The following EPAS1 variants were observed in gnomAD, a reference collection of about 807,000 sequenced individuals.
EPAS1 encodes endothelial PAS domain protein 1, also known as endothelial PAS domain-containing protein 1.
Under a neutral mutation model 87.9 loss-of-function variants are expected in EPAS1, and 23 were observed. That is an observed-to-expected ratio of 0.26 (90% confidence interval 0.19 to 0.37). EPAS1 has a LOEUF of 0.37. Ranked by LOEUF, EPAS1 falls within the 10% of genes least tolerant of loss-of-function variation. The pLI is 1.00. For synonymous variants in EPAS1, 508 were observed against 444.3 expected, an observed-to-expected ratio of 1.14 and a Z score of -1.80; for missense variants, 1,138 against 1,120.7, an observed-to-expected ratio of 1.02 and a Z score of -0.22.
rs1276782502 is a variant in EPAS1, at chr2:46,378,616, G to A, written c.1444-41G>A. On this transcript the variant is annotated intron_variant, in intron 10 of 15. Transcript: ENST00000263734. ...ATGCTGGACTTCTGGGGAGACCAGT[G>A]CCATATCTTTGACTCTGTCCCCCTC... 1.9e-6 allele frequency: 3 copies of A among 1,554,564 alleles called. 1 individual carries two copies. The South Asian group carries it at 3.3e-5, about 17-fold the overall frequency.
intron 1 of EPAS1, among the ~76,000 whole-genome samples, chr2:46,303,039 C>T (rs1159679786): frequency 6.6e-6 from 1 of 152,168 alleles, no homozygotes; most frequent in Non-Finnish European, 1.5e-5. Context: ...TGCCACTGCA[C>T]TCCAGCGTGG....
At chr2:46,359,274 A>AAAAAAAAAAAAAG in intron 4 of EPAS1, among the ~76,000 whole-genome samples, 1 of 148,664 alleles carries the variant, frequency 6.7e-6, no homozygotes, top group Non-Finnish European at 1.5e-5. Context: ...AAAAAAAAAA[A>AAAAAAAAAAAAAG]AAAAAAAGAT....
intron 1 of EPAS1, among the ~76,000 whole-genome samples, chr2:46,302,998 G>A (rs1187477292): frequency 2.6e-5 from 4 of 152,108 alleles, no homozygotes; most frequent in South Asian, 2.1e-4. Context: ...GCTTGAACCC[G>A]GGAGGCGGAG....
At chr2:46,349,764 ATTG>A (rs1201969023) in intron 2 of EPAS1, among the ~76,000 whole-genome samples, 1 of 152,162 alleles carries the variant, frequency 6.6e-6, no homozygotes, top group East Asian at 1.9e-4. Flanking sequence ...CGCTAGACTG[ATTG>A]TTAAGTTATT....
rs1682980315 is a variant in EPAS1, at chr2:46,300,775, A to AC, written c.26+2840dup. Among the ~76,000 whole-genome samples the AC allele has an allele frequency of 6.6e-6, 1 of 152,160 alleles. No individual in the cohort carries two copies. The highest frequency in any genetic ancestry group is 1.5e-5 in the Non-Finnish European group (1 of 68,034). On this transcript the variant is annotated intron_variant, in intron 1 of 15. Transcript: ENST00000263734. The surrounding 1 kb of genome is among the most constrained non-coding windows in gnomAD (Gnocchi z 4.1). ...CCCAAAGCCAGACCTAGGTCCAGAC[A>AC]CCTTCCCAGAGTGCTTATACAGTAG...
At chr2:46,303,213 C>G (rs920874445) in intron 1 of EPAS1, among the ~76,000 whole-genome samples, 1 of 152,154 alleles carries the variant, frequency 6.6e-6, no homozygotes, top group African/African-American at 2.4e-5. Flanking sequence ...CACACATAAG[C>G]ACACACAATT....
intron 1 of EPAS1, among the ~76,000 whole-genome samples, chr2:46,342,885 G>A (rs1261754669): frequency 6.6e-6 from 1 of 152,190 alleles, no homozygotes; most frequent in African/African-American, 2.4e-5. Context: ...GCTGCCTGGT[G>A]CTTAAGTGGT....
intron 2 of EPAS1, among the ~76,000 whole-genome samples, chr2:46,355,202 GAAGA>G (rs1196048733): frequency 6.6e-6 from 1 of 152,210 alleles, no homozygotes; most frequent in African/African-American, 2.4e-5. Flanking sequence ...GGAGCAGAAA[GAAGA>G]AAGAATTTAC....
In EPAS1 at chr2:46,349,118, C is replaced by T. The variant is rs996910252; in HGVS notation, c.217+2055C>T. Among the ~76,000 whole-genome samples, 28 of 151,960 alleles carry T rather than the reference C, an allele frequency of 1.8e-4. 1 individual carries two copies. The highest frequency in any genetic ancestry group is 3.9e-4 in the Admixed American group (6 of 15,278). On this transcript the variant is annotated intron_variant, in intron 2 of 15. Transcript: ENST00000263734. ...AAACCTGGTCAGGCAAAGATGCTGA[C>T]AAGGGCTGGGGTATGGGGTGTGGGG...
At chr2:46,352,847 C>T (rs896281159) in intron 2 of EPAS1, among the ~76,000 whole-genome samples, 1 of 152,200 alleles carries the variant, frequency 6.6e-6, no homozygotes, top group African/African-American at 2.4e-5. Flanking sequence ...CTAGATTGCC[C>T]CTCTCCCTCC....
rs1003174096 is a variant in EPAS1, at chr2:46,380,662, G to A, written c.1990G>A (p.Ala664Thr). The part of the protein sequence containing the change: ...VGDQRTEFLG[A>T]APLGPPVSPP... Reference sequence around the variant, plus strand: ...GGATCAGCGCACAGAGTTCTTGGGAGCAGCGCCGTTGGGGCCCCCTGTCTC... The same window carrying A: ...GGATCAGCGCACAGAGTTCTTGGGAACAGCGCCGTTGGGGCCCCCTGTCTC... The change falls in exon 12 of 16, where the codon GCA becomes ACA. Residue 664 changes from alanine to threonine, a missense_variant. Coordinates refer to ENST00000263734, the MANE Select transcript of EPAS1 (RefSeq NM_001430.5). The surrounding 1 kb of genome is among the most constrained non-coding windows in gnomAD (Gnocchi z 4.4). 18 of 1,613,956 alleles carry A rather than the reference G, an allele frequency of 1.1e-5. No individual in the cohort carries two copies. The African/African-American group carries it at 2.0e-4, about 18-fold the overall frequency.
At chr2:46,350,616 C>T (rs958467358) in intron 2 of EPAS1, among the ~76,000 whole-genome samples, 1 of 152,210 alleles carries the variant, frequency 6.6e-6, no homozygotes, top group Non-Finnish European at 1.5e-5. Context: ...CTTGATTGTC[C>T]TAAATCCTCT....
intron 1 of EPAS1, among the ~76,000 whole-genome samples, chr2:46,315,235 T>C (rs376394733): frequency 5.9e-5 from 9 of 152,152 alleles, no homozygotes; most frequent in Admixed American, 1.3e-4. Flanking sequence ...AGGAACTGTG[T>C]CCCTCACTCT....
In EPAS1 at chr2:46,376,752, CGGTG is replaced by C. The variant is rs1251213312; in HGVS notation, c.1249+4_1249+7del. 1.2e-6 allele frequency: 2 copies of C among 1,611,998 alleles called. No individual in the cohort carries two copies. Among genetic ancestry groups the C allele is most frequent in the African/African-American group, 2.7e-5 (2 of 74,846 alleles). On this transcript the variant is annotated splice_donor_variant and splice_donor_region_variant and coding_sequence_variant and intron_variant, in exon 9 of 16. Transcript: ENST00000263734. LOFTEE classifies it high-confidence loss of function. ...GAGACGCCATCATCTCTCTGGATTT[CGGTG>C]GGTGCTTCTTAGCTAAGCCAGGCCC...
At chr2:46,381,211 G>A (rs1448186281) in intron 12 of EPAS1, 2 of 370,156 alleles carry the variant, frequency 5.4e-6, no homozygotes, top group South Asian at 2.3e-5. Context: ...ACTGGGCTAA[G>A]GCACAGGGGT....
rs779807757 is a variant in EPAS1 at position 46,382,499 on chromosome 2, G to C, written c.2362G>C (p.Ala788Pro). 6.2e-7 allele frequency: 1 copy of C among 1,614,150 alleles called. No individual in the cohort carries two copies. The highest frequency in any genetic ancestry group is 1.1e-5 in the South Asian group (1 of 91,082). The change falls in exon 15 of 16, where the codon GCC becomes CCC. Residue 788 changes from alanine to proline, a missense_variant. By Grantham distance (27) the Ala-to-Pro change is conservative. This residue lies in a region of EPAS1 where 502 missense variants were observed against 427.1 expected (regional missense o/e 1.18). Coordinates refer to ENST00000263734, the MANE Select transcript of EPAS1 (RefSeq NM_001430.5). ...RHLPLPQPPS[A>P]ISPGENSKSR... is the part of the protein sequence containing the mutation. Reference sequence around the variant, plus strand: ...TCTGCCGCTGCCACAGCCTCCATCTGCCATCAGTCCCGGGGAGAACAGCAA... The same window carrying C: ...TCTGCCGCTGCCACAGCCTCCATCTCCCATCAGTCCCGGGGAGAACAGCAA...
Position 46,360,970 on chromosome 2 carries a change from C to G in EPAS1, c.659C>G (p.Ser220Cys), listed in dbSNP as rs767633468. ...SLCGYKEPLL[S>C]CLIIMCEPIQ... ...TGTGGCTACAAGGAGCCCCTGCTGTCCTGCCTCATCATCATGTGTGAACCA... is the reference window on the plus strand; with the variant it reads ...TGTGGCTACAAGGAGCCCCTGCTGTGCTGCCTCATCATCATGTGTGAACCA... Residue 220 changes from serine to cysteine, a missense_variant, in exon 6 of 16, where the codon TCC (serine) becomes TGC (cysteine). Transcript: ENST00000263734. This position sits in a 1 kb window ranked among gnomAD's most constrained non-coding sequence, Gnocchi z 4.5. The G allele has an allele frequency of 1.9e-6, 3 of 1,614,210 alleles. No individual in the cohort carries two copies. The highest frequency in any genetic ancestry group is 2.5e-6 in the Non-Finnish European group (3 of 1,180,034).
At chr2:46,302,844 C>T (rs1184877898) in intron 1 of EPAS1, among the ~76,000 whole-genome samples, 2 of 151,754 alleles carry the variant, frequency 1.3e-5, no homozygotes, top group African/African-American at 4.8e-5. Context: ...GAGGCCGAGG[C>T]AGGCAGATCA....
At chr2:46,341,611 G>T (rs947846901) in intron 1 of EPAS1, among the ~76,000 whole-genome samples, 5 of 152,194 alleles carry the variant, frequency 3.3e-5, no homozygotes, top group African/African-American at 1.2e-4. Flanking sequence ...GCTTATGATG[G>T]TGACTTCAAA....
Sources: gnomAD v4.1 joint callset for allele counts (sites outside exome capture counted in the v4.1 genomes callset) on GRCh38, gnomAD v4.1.1 for gene constraint, gnomAD v4.1.1 regional missense constraint, Gnocchi (gnomAD v3.1) non-coding constraint, MANE v1.5 for transcripts, NCBI Gene and HGNC (gene_info 2026-07-23, HGNC 2026-07-21) for gene names.